VRK1: variants seen among roughly 807,000 people sequenced by gnomAD.
The protein encoded by VRK1 is serine/threonine-protein kinase VRK1.
A neutral mutation model predicts 57.1 loss-of-function variants in VRK1; 33 were observed. The observed-to-expected ratio is 0.58, with a 90% CI of 0.44 to 0.77. The LOEUF (loss-of-function observed/expected upper bound fraction) is 0.77. Among genes scored for constraint, VRK1 ranks in the 30% least tolerant of loss-of-function variants. VRK1 has a pLI of 0.00. For synonymous variants in VRK1, 137 were observed against 147.8 expected (o/e 0.93, Z 0.53); for missense variants, 413 against 477.3 (o/e 0.87, Z 1.25).
intron 1 of VRK1, among the ~76,000 whole-genome samples, chr14:96,832,618 C>T (rs181674023): frequency 6.6e-6 from 1 of 152,208 alleles, no homozygotes; most frequent in South Asian, 2.1e-4. Context: ...CCAGTCAGTA[C>T]TCTTTTCACA....
intron 1 of VRK1, among the ~76,000 whole-genome samples, chr14:96,812,025 G>A (rs970504441): frequency 9.9e-5 from 15 of 152,128 alleles, no homozygotes; most frequent in African/African-American, 2.4e-4. Context: ...GAAATTTTAC[G>A]TAATTGGAAT....
chr14:96,797,912 T>A (rs1457539170), intron 1 of VRK1, among the ~76,000 whole-genome samples: 1 of 152,234 alleles, frequency 6.6e-6, no homozygotes, highest in Non-Finnish European at 1.5e-5. Flanking sequence ...GGAAATGCTT[T>A]CTTAGAAACG....
rs1555360117 is a variant in VRK1 at position 96,837,785 on chromosome 14, G to A, written c.184G>A (p.Val62Ile). 1 of 1,566,444 alleles carries A rather than the reference G, an allele frequency of 6.4e-7. No homozygotes were observed. ...YLADMNSSES[V>I]GSDAPCVVKV... ...AGCTGATATGAATTCTTCAGAGTCA[G>A]TTGGCAGTGATGCACCTTGTGTTGT... Residue 62 changes from valine to isoleucine, a missense_variant, in exon 3 of 13, where the codon GTT (valine) becomes ATT (isoleucine). Around this residue, in one of 3 missense-constraint regions of VRK1, gnomAD observed 116 missense variants for 113.6 expected, o/e 1.02. Coordinates refer to ENST00000216639, the MANE Select transcript of VRK1 (RefSeq NM_003384.3).
intron 1 of VRK1, among the ~76,000 whole-genome samples, chr14:96,806,990 C>T (rs372580366): frequency 6.6e-6 from 1 of 152,198 alleles, no homozygotes; most frequent in East Asian, 1.9e-4. Context: ...ATTCTTGTGA[C>T]ATCATCACAT....
chr14:96,838,819 T>A (rs1304419803), intron 3 of VRK1, among the ~76,000 whole-genome samples: 5 of 152,210 alleles, frequency 3.3e-5, no homozygotes, highest in Non-Finnish European at 7.3e-5. Context: ...TCTTTTATAT[T>A]TTATCTCTTA....
At chr14:96,826,908 T>TAGCC (rs1477947794) in intron 1 of VRK1, among the ~76,000 whole-genome samples, 1 of 152,202 alleles carries the variant, frequency 6.6e-6, no homozygotes, top group Non-Finnish European at 1.5e-5. Flanking sequence ...GAAGCTTCTG[T>TAGCC]AGCCCTGAAC....
chr14:96,877,514 C>A (rs1384155677), intron 12 of VRK1: 1 of 1,289,450 alleles, frequency 7.8e-7, no homozygotes, highest in Non-Finnish European at 1.0e-6. Flanking sequence ...AGTGAGGAGT[C>A]CCAAGGAGCA....
intron 12 of VRK1, among the ~76,000 whole-genome samples, chr14:96,877,136 ATTTTTGGTTAAAAAAAAAT>A (rs1889072485): frequency 6.8e-6 from 1 of 147,362 alleles, no homozygotes; most frequent in Admixed American, 6.7e-5. Flanking sequence ...GAAAAGGCTT[ATTTTTGGTTAAAAAAAAAT>A]TTTACAGCAT....
chr14:96,850,534 A>G (rs1212740649), intron 5 of VRK1, among the ~76,000 whole-genome samples: 2 of 152,160 alleles, frequency 1.3e-5, no homozygotes, highest in African/African-American at 4.8e-5. Flanking sequence ...GATGTTTATG[A>G]TTTAGGTATG....
At chr14:96,808,002 C>CCTCTCTCTGTCTCTCTCTCT (rs1885959046) in intron 1 of VRK1, among the ~76,000 whole-genome samples, 2 of 118,138 alleles carry the variant, frequency 1.7e-5, no homozygotes, top group South Asian at 2.8e-4. Flanking sequence ...TCCCTCTCTC[C>CCTCTCTCTGTCTCTCTCTCT]CTCTCTCTCT....
chr14:96,855,184 A>C, intron 7 of VRK1, 40 bp from the exon 8 acceptor site: 1 of 1,613,610 alleles, frequency 6.2e-7, no homozygotes, highest in Non-Finnish European at 8.5e-7. Context: ...ATGTGCAGTG[A>C]TTTTGACTTT....
chr14:96,834,483 A>G (rs1887137537), intron 2 of VRK1, among the ~76,000 whole-genome samples: 1 of 152,190 alleles, frequency 6.6e-6, no homozygotes, highest in Admixed American at 6.6e-5. Context: ...AGGGCCCAGC[A>G]GTGTTTGTTC....
intron 11 of VRK1, among the ~76,000 whole-genome samples, chr14:96,869,864 A>G (rs1237899513): frequency 6.6e-6 from 1 of 152,046 alleles, no homozygotes; most frequent in Admixed American, 6.6e-5. Context: ...TTTAATAGTA[A>G]CTCTAATGTA....
intron 1 of VRK1, among the ~76,000 whole-genome samples, chr14:96,808,558 CAGT>C (rs1886008797): frequency 6.6e-6 from 1 of 152,050 alleles, no homozygotes; most frequent in African/African-American, 2.4e-5. Flanking sequence ...ATCTTGCAGA[CAGT>C]AGTTACTCCC....
intron 7 of VRK1, among the ~76,000 whole-genome samples, chr14:96,853,640 C>G (rs1888036506): frequency 6.6e-6 from 1 of 151,600 alleles, no homozygotes; most frequent in Non-Finnish European, 1.5e-5. Context: ...GTTTGGAATT[C>G]AAATGTGCAT....
intron 1 of VRK1, among the ~76,000 whole-genome samples, chr14:96,797,975 G>A (rs1885506713): frequency 6.6e-6 from 1 of 152,214 alleles, no homozygotes; most frequent in African/African-American, 2.4e-5. Context: ...TAGGTTAGGT[G>A]ATCCGGGAGG....
At chr14:96,824,889 G>A (rs1443625000) in intron 1 of VRK1, among the ~76,000 whole-genome samples, 3 of 151,874 alleles carry the variant, frequency 2.0e-5, no homozygotes, top group Admixed American at 1.3e-4. Flanking sequence ...TCCTGACCTC[G>A]TGATCCACCC....
At chr14:96,825,653 G>A (rs1886772899) in intron 1 of VRK1, among the ~76,000 whole-genome samples, 1 of 152,180 alleles carries the variant, frequency 6.6e-6, no homozygotes, top group Non-Finnish European at 1.5e-5. Flanking sequence ...TAGGTATGGG[G>A]AAAATGTCAA....
chr14:96,852,379 C>T (rs373267802), intron 5 of VRK1, among the ~76,000 whole-genome samples: 15 of 152,176 alleles, frequency 9.9e-5, no homozygotes, highest in African/African-American at 3.4e-4. Flanking sequence ...AAGCATCTCA[C>T]GAGAATCTTG....
Sources: allele counts gnomAD v4.1 joint callset (sites outside exome capture counted in the v4.1 genomes callset), GRCh38; gene constraint gnomAD v4.1.1; regional missense constraint gnomAD v4.1.1; transcripts MANE v1.5; gene names NCBI Gene and HGNC (gene_info 2026-07-23, HGNC 2026-07-21).